Variants in NT5DC1 observed in about 807,000 individuals in gnomAD.
NT5DC1 encodes the protein 5'-nucleotidase domain containing 1, also known as 5'-nucleotidase domain-containing protein 1.
In NT5DC1, 42 loss-of-function variants were observed where a neutral mutation model predicts 59.4. The observed-to-expected ratio is 0.71, with a 90% CI of 0.55 to 0.92. NT5DC1 has a LOEUF of 0.92. NT5DC1 is among the 40% of genes least tolerant of loss of function. NT5DC1 has a pLI of 0.00. For synonymous variants in NT5DC1, 172 were observed against 188.1 expected, an observed-to-expected ratio of 0.91 and a Z score of 0.70; for missense variants, 501 against 537.1, an observed-to-expected ratio of 0.93 and a Z score of 0.66.
At chr6:116,183,257 T>A (rs1029802960) in intron 6 of NT5DC1, among the ~76,000 whole-genome samples, 1 of 152,180 alleles carries the variant, frequency 6.6e-6, no homozygotes, top group African/African-American at 2.4e-5. Flanking sequence ...ACCATTACTG[T>A]GCTGTTTTGG....
intron 8 of NT5DC1, among the ~76,000 whole-genome samples, chr6:116,224,111 C>T (rs186283325): frequency 1.3e-5 from 2 of 152,256 alleles, no homozygotes; most frequent in Admixed American, 1.3e-4. Flanking sequence ...ATTTAATATA[C>T]ATTTCTCTAC....
In NT5DC1 at chr6:116,108,633, A is replaced by C. The variant is rs192752115; in HGVS notation, c.257+198A>C. Among the ~76,000 whole-genome samples the C allele has an allele frequency of 4.7e-3, 722 of 152,322 alleles. 6 individuals carry two copies. The highest frequency in any genetic ancestry group is 0.016 in the African/African-American group (666 of 41,580). On this transcript the variant is annotated intron_variant, in intron 3 of 11. Transcript: ENST00000319550. Reference sequence around the variant, plus strand: ...TTGTGAGCATTAGATTTAAAGGTCTAGTTCCTTTAAGTTTACATCATTAGA... The same window carrying C: ...TTGTGAGCATTAGATTTAAAGGTCTCGTTCCTTTAAGTTTACATCATTAGA...
At chr6:116,195,382 T>C (rs2114499377) in intron 6 of NT5DC1, among the ~76,000 whole-genome samples, 1 of 152,192 alleles carries the variant, frequency 6.6e-6, no homozygotes, top group East Asian at 1.9e-4. Flanking sequence ...CTATTAAGTT[T>C]ACCTTAACTT....
At chr6:116,164,548 T>G (rs1009819332) in intron 6 of NT5DC1, among the ~76,000 whole-genome samples, 1 of 152,226 alleles carries the variant, frequency 6.6e-6, no homozygotes, top group African/African-American at 2.4e-5. Context: ...AATTTGCTAA[T>G]CTATCTCTTT....
At position 116,244,163 on chromosome 6, in the gene NT5DC1, T is replaced by C. The variant is rs1771792841; in HGVS notation, c.*139T>C. ...GATATTTGTCCATAGGTCTCCTTTC[T>C]ATAAATCATCTTGATGTTTAACAAC... On this transcript the variant is annotated 3_prime_UTR_variant, in exon 12 of 12. Transcript: ENST00000319550. 6 of 473,532 alleles carry C rather than the reference T, an allele frequency of 1.3e-5. No homozygotes were observed. In the South Asian group the frequency reaches 2.5e-4, roughly 19 times the overall value. The allele number at this position is 473,532 out of a possible 1,614,324, so 29.3% of individuals were successfully genotyped here.
intron 8 of NT5DC1, among the ~76,000 whole-genome samples, chr6:116,224,343 A>T (rs1019328837): frequency 6.6e-6 from 1 of 152,228 alleles, no homozygotes; most frequent in Non-Finnish European, 1.5e-5. Context: ...AGTGAGGTTC[A>T]TGGTAGCACG....
chr6:116,201,906 A>G (rs903224064), intron 6 of NT5DC1, among the ~76,000 whole-genome samples: 2 of 152,018 alleles, frequency 1.3e-5, no homozygotes, highest in African/African-American at 4.8e-5. Flanking sequence ...CAAATGCCAC[A>G]CTGGTAGATT....
At chr6:116,239,335 G>T (rs1010782417) in intron 11 of NT5DC1, among the ~76,000 whole-genome samples, 10 of 152,166 alleles carry the variant, frequency 6.6e-5, no homozygotes, top group Non-Finnish European at 2.9e-5. Flanking sequence ...AGTCAGCTTG[G>T]AGGCATATTA....
In NT5DC1 at chr6:116,212,128, TAAA is replaced by T. The variant is rs1309806971; in HGVS notation, c.530-8923_530-8921del. Among the ~76,000 whole-genome samples, 3 of 152,260 alleles carry T rather than the reference TAAA, an allele frequency of 2.0e-5. No homozygotes were observed. The East Asian group carries it at 5.8e-4, about 29-fold the overall frequency. ...ATCAATTCTTTTTCAAATTTTTTAT[TAAA>T]AAGTTAATAACTCTGTCAAAACAAT... On this transcript the variant is annotated intron_variant, in intron 6 of 11. Coordinates refer to ENST00000319550, the MANE Select transcript of NT5DC1 (RefSeq NM_152729.3).
At chr6:116,152,562 A>G (rs1780071723) in intron 6 of NT5DC1, among the ~76,000 whole-genome samples, 1 of 152,128 alleles carries the variant, frequency 6.6e-6, no homozygotes, top group Non-Finnish European at 1.5e-5. Context: ...ATTCCCCTCT[A>G]TCTCACATGG....
intron 6 of NT5DC1, among the ~76,000 whole-genome samples, chr6:116,143,340 A>G (rs946034904): frequency 4.6e-5 from 7 of 152,104 alleles, no homozygotes; most frequent in Non-Finnish European, 8.8e-5. Flanking sequence ...CCTCTCAAGT[A>G]GCTGGGATTA....
intron 6 of NT5DC1, among the ~76,000 whole-genome samples, chr6:116,217,886 T>C (rs1337217460): frequency 6.6e-6 from 1 of 152,188 alleles, no homozygotes; most frequent in Non-Finnish European, 1.5e-5. Flanking sequence ...CTTGACTTAT[T>C]TCAATAAAAA....
chr6:116,226,742 C>A (rs1781918294), intron 8 of NT5DC1, among the ~76,000 whole-genome samples: 2 of 152,124 alleles, frequency 1.3e-5, no homozygotes, highest in East Asian at 3.9e-4. Flanking sequence ...AAAATAAGCA[C>A]ATCCTGATAA....
At chr6:116,122,022 A>G in intron 6 of NT5DC1, 1 of 1,400,548 alleles carries the variant, frequency 7.1e-7, no homozygotes, top group South Asian at 1.2e-5. Flanking sequence ...ATTAAAGAGA[A>G]TCATTGCCTT....
At chr6:116,157,753 G>T (rs1310924026) in intron 6 of NT5DC1, among the ~76,000 whole-genome samples, 1 of 152,086 alleles carries the variant, frequency 6.6e-6, no homozygotes, top group Non-Finnish European at 1.5e-5. Context: ...AAAGATGAAA[G>T]GCACTTCACT....
intron 11 of NT5DC1, among the ~76,000 whole-genome samples, chr6:116,241,330 A>G (rs1771711373): frequency 6.6e-6 from 1 of 152,220 alleles, no homozygotes. Context: ...TGAATAAAAA[A>G]TGAATGCTTA....
At chr6:116,101,128 G>A in intron 1 of NT5DC1, 105 bp downstream of exon 1, 1 of 779,368 alleles carries the variant, frequency 1.3e-6, no homozygotes, top group Non-Finnish European at 2.0e-6. Flanking sequence ...CGGGGCCTGC[G>A]GCGGCCGAGT....
chr6:116,149,893 C>G (rs1400044062), intron 6 of NT5DC1, among the ~76,000 whole-genome samples: 1 of 152,196 alleles, frequency 6.6e-6, no homozygotes, highest in African/African-American at 2.4e-5. Flanking sequence ...TAGGACTTAA[C>G]GGCTTTTTAT....
intron 6 of NT5DC1, among the ~76,000 whole-genome samples, chr6:116,168,990 A>T (rs1001501805): frequency 3.3e-5 from 5 of 152,124 alleles, no homozygotes; most frequent in Non-Finnish European, 5.9e-5. Flanking sequence ...ATTAACTTCT[A>T]ATAAACCCTG....
Sources: allele counts gnomAD v4.1 joint callset (sites outside exome capture counted in the v4.1 genomes callset), GRCh38; gene constraint gnomAD v4.1.1; transcripts MANE v1.5; gene names NCBI Gene and HGNC (gene_info 2026-07-23, HGNC 2026-07-21).